CCDC60: variants seen among roughly 807,000 people sequenced by gnomAD.
CCDC60 encodes the protein coiled-coil domain containing 60.
Under a neutral mutation model 63.5 loss-of-function variants are expected in CCDC60, and 54 were observed. The observed-to-expected ratio is 0.85, with a 90% CI of 0.68 to 1.07. The LOEUF is 1.07. CCDC60 is among the 50% of genes least tolerant of loss of function. The pLI, the probability that CCDC60 is intolerant of heterozygous loss-of-function variation, is 0.00. For synonymous variants in CCDC60, 206 were observed against 238.8 expected, an observed-to-expected ratio of 0.86 and a Z score of 1.27; for missense variants, 651 against 684.3, an observed-to-expected ratio of 0.95 and a Z score of 0.54.
At chr12:119,481,055 CCAT>C (rs1315158560) in intron 4 of CCDC60, among the ~76,000 whole-genome samples, 5 of 150,382 alleles carry the variant, frequency 3.3e-5, no homozygotes, top group Non-Finnish European at 5.9e-5. Flanking sequence ...ATCCTCACCA[CCAT>C]CATCATCATC....
chr12:119,436,473 C>G (rs1213683184), intron 2 of CCDC60, among the ~76,000 whole-genome samples: 1 of 151,436 alleles, frequency 6.6e-6, no homozygotes, highest in African/African-American at 2.4e-5. Flanking sequence ...GGAGAAGAAG[C>G]CAACTAGGAA....
intron 2 of CCDC60, among the ~76,000 whole-genome samples, chr12:119,462,348 A>G (rs533786480): frequency 1.3e-5 from 2 of 152,302 alleles, no homozygotes; most frequent in South Asian, 4.1e-4. Flanking sequence ...ATCTTCAGCC[A>G]TTAGGAATCA....
At chr12:119,408,803 T>C (rs1020251070) in intron 1 of CCDC60, among the ~76,000 whole-genome samples, 6 of 151,186 alleles carry the variant, frequency 4.0e-5, no homozygotes, top group African/African-American at 1.5e-4. Context: ...CCAGCCTGGG[T>C]GACAGAGCGA....
Position 119,524,721 on chromosome 12 carries a change from CT to C in CCDC60, c.1229+922del, listed in dbSNP as rs55694840. ...ACAGCAGTTTCTTTTCTTTTCTTTT[CT>C]TTTTTTTTTTTTTTTTTTGAGACAG... On this transcript the variant is annotated intron_variant, in intron 11 of 13. Transcript: ENST00000327554. Among the ~76,000 whole-genome samples, 252 of 99,040 alleles carry C rather than the reference CT, an allele frequency of 2.5e-3. 9 individuals are homozygous for C. In the Middle Eastern group the frequency reaches 0.052, roughly 20 times the overall value. The allele number at this position is 99,040 out of a possible 152,430, so 65.0% of individuals were successfully genotyped here. A position where few individuals can be genotyped will look rare whatever the true frequency, so the allele number is the denominator to read the frequency against.
At position 119,527,666 on chromosome 12, in the gene CCDC60, C is replaced by CTTTTTTTTTTTTT. The variant is rs869099213; in HGVS notation, c.1230-936_1230-924dup. Among the ~76,000 whole-genome samples the CTTTTTTTTTTTTT allele has an allele frequency of 2.6e-3, 219 of 84,998 alleles. 5 individuals are homozygous for CTTTTTTTTTTTTT. The highest frequency in any genetic ancestry group is 4.7e-3 in the African/African-American group (95 of 20,218). 55.8% of individuals were successfully genotyped at this position (84,998 alleles called of 152,430 possible). ...TTGTTTTTTCTTTCTTTCTTTCTTT[C>CTTTTTTTTTTTTT]TTTTTTTTTTTTTTTTTTTTTTTTT... On this transcript the variant is annotated intron_variant, in intron 11 of 13. Transcript: ENST00000327554.
intron 1 of CCDC60, among the ~76,000 whole-genome samples, chr12:119,397,774 C>T (rs531049929): frequency 5.0e-5 from 1 of 19,922 alleles, no homozygotes; most frequent in Non-Finnish European, 8.4e-5. Flanking sequence ...GGGCAGCGCC[C>T]GTCAGGGAGG....
At chr12:119,526,794 T>A (rs558481743) in intron 11 of CCDC60, among the ~76,000 whole-genome samples, 215 of 152,318 alleles carry the variant, frequency 1.4e-3, no homozygotes, top group African/African-American at 4.9e-3. Flanking sequence ...GAAAAAGGAA[T>A]CCTTATACAC....
chr12:119,475,119 G>A (rs568832070), intron 3 of CCDC60, among the ~76,000 whole-genome samples: 1 of 152,190 alleles, frequency 6.6e-6, no homozygotes, highest in East Asian at 1.9e-4. Context: ...CACAAATTGT[G>A]CCTACCTGAC....
intron 1 of CCDC60, among the ~76,000 whole-genome samples, chr12:119,366,901 C>T (rs956440219): frequency 2.6e-5 from 4 of 152,294 alleles, no homozygotes; most frequent in African/African-American, 2.4e-5. Context: ...GGCACAGTCT[C>T]GGCTCACTGC....
At chr12:119,387,034 TCACACACACACACA>T (rs1555233707) in intron 1 of CCDC60, among the ~76,000 whole-genome samples, 2 of 105,402 alleles carry the variant, frequency 1.9e-5, no homozygotes, top group Non-Finnish European at 1.8e-5. Flanking sequence ...TCTGTCTCTC[TCACACACACACACA>T]CACACACACA....
chr12:119,483,584 C>A (rs747861792), intron 4 of CCDC60, among the ~76,000 whole-genome samples: 1 of 152,096 alleles, frequency 6.6e-6, no homozygotes, highest in African/African-American at 2.4e-5. Context: ...GCAATCAGCA[C>A]GGGGTGCTTG....
At chr12:119,417,867 A>G (rs1593057714) in intron 1 of CCDC60, among the ~76,000 whole-genome samples, 1 of 152,088 alleles carries the variant, frequency 6.6e-6, no homozygotes, top group African/African-American at 2.4e-5. Flanking sequence ...AGAAGCCCAG[A>G]CCCTTCCTTT....
intron 6 of CCDC60, 133 bp downstream of exon 6, chr12:119,500,301 C>A: frequency 1.5e-6 from 1 of 661,156 alleles, no homozygotes; most frequent in Admixed American, 3.0e-5. Flanking sequence ...GAAGTCAGAG[C>A]CACAGGCTGT....
intron 2 of CCDC60, among the ~76,000 whole-genome samples, chr12:119,441,141 C>T (rs1445082028): frequency 6.6e-6 from 1 of 152,164 alleles, no homozygotes; most frequent in Non-Finnish European, 1.5e-5. Flanking sequence ...CTTGGAGGTC[C>T]ATGTTTTAGG....
intron 1 of CCDC60, among the ~76,000 whole-genome samples, chr12:119,344,832 C>T (rs961798754): frequency 3.8e-5 from 5 of 131,706 alleles, no homozygotes; most frequent in East Asian, 2.5e-4. Flanking sequence ...CTCTCTCTCT[C>T]TCTTTCTCTC....
At chr12:119,403,399 T>C (rs1956429491) in intron 1 of CCDC60, among the ~76,000 whole-genome samples, 1 of 152,172 alleles carries the variant, frequency 6.6e-6, no homozygotes, top group Non-Finnish European at 1.5e-5. Context: ...TAGTACCGTC[T>C]AGCTGCCAGT....
At chr12:119,502,792 C>T (rs1175948805) in intron 6 of CCDC60, among the ~76,000 whole-genome samples, 1 of 152,170 alleles carries the variant, frequency 6.6e-6, no homozygotes, top group Non-Finnish European at 1.5e-5. Context: ...TCAAGGCCCC[C>T]CTGAGGTACC....
chr12:119,489,850 T>C (rs918751827), intron 5 of CCDC60, among the ~76,000 whole-genome samples: 2 of 150,620 alleles, frequency 1.3e-5, no homozygotes, highest in African/African-American at 4.9e-5. Flanking sequence ...CAGGCCAGAG[T>C]ACGGTGACGC....
chr12:119,463,542 G>A (rs1477877432), intron 2 of CCDC60, among the ~76,000 whole-genome samples: 1 of 152,234 alleles, frequency 6.6e-6, no homozygotes, highest in African/African-American at 2.4e-5. Context: ...GAGTCATTGT[G>A]AGGACAAATA....
Sources: gnomAD v4.1 joint callset for allele counts (sites outside exome capture counted in the v4.1 genomes callset) on GRCh38, gnomAD v4.1.1 for gene constraint, MANE v1.5 for transcripts, NCBI Gene and HGNC (gene_info 2026-07-23, HGNC 2026-07-21) for gene names.